MYO3B: variants seen among roughly 807,000 people sequenced by gnomAD.
The protein encoded by MYO3B is myosin-IIIb.
A neutral mutation model predicts 174.6 loss-of-function variants in MYO3B; 156 were observed. The ratio of observed to expected loss-of-function variants is 0.89; its 90% CI spans 0.78 to 1.02. The LOEUF (loss-of-function observed/expected upper bound fraction) is 1.02. MYO3B is among the 50% of genes least tolerant of loss of function. MYO3B has a pLI of 0.00. For synonymous variants in MYO3B, 563 were observed against 569.1 expected (o/e 0.99, Z 0.15); for missense variants, 1,632 against 1,639.4 (o/e 1.00, Z 0.08).
At chr2:170,625,272 G>A (rs1054342079) in intron 32 of MYO3B, among the ~76,000 whole-genome samples, 11 of 152,186 alleles carry the variant, frequency 7.2e-5, no homozygotes, top group Non-Finnish European at 1.5e-4. Context: ...CAGAGATTCA[G>A]CTTCTTCCTG....
At chr2:170,282,265 T>C (rs1397951860) in intron 7 of MYO3B, among the ~76,000 whole-genome samples, 1 of 152,168 alleles carries the variant, frequency 6.6e-6, no homozygotes, top group African/African-American at 2.4e-5. Flanking sequence ...TAATCCATTT[T>C]GATTTGATTT....
intron 7 of MYO3B, among the ~76,000 whole-genome samples, chr2:170,279,292 AT>A (rs2093487592): frequency 6.6e-6 from 1 of 151,982 alleles, no homozygotes; most frequent in Admixed American, 6.6e-5. Context: ...TTGCCAGCAC[AT>A]TTGTTATTTT....
At chr2:170,627,190 A>G (rs1045112398) in intron 32 of MYO3B, among the ~76,000 whole-genome samples, 5 of 152,206 alleles carry the variant, frequency 3.3e-5, no homozygotes, top group Non-Finnish European at 7.3e-5. Context: ...AGGTACACCA[A>G]TCAGATGTAG....
At chr2:170,226,119 G>A (rs2092949448) in intron 6 of MYO3B, among the ~76,000 whole-genome samples, 1 of 152,190 alleles carries the variant, frequency 6.6e-6, no homozygotes, top group South Asian at 2.1e-4. Context: ...GTGAACTAAT[G>A]TTGATGCCGT....
chr2:170,284,339 A>C (rs2093538009), intron 7 of MYO3B, among the ~76,000 whole-genome samples: 1 of 152,182 alleles, frequency 6.6e-6, no homozygotes, highest in Non-Finnish European at 1.5e-5. Context: ...AAACTGTATG[A>C]CATTCCCTAT....
At chr2:170,185,483 A>G (rs1486699006) in intron 1 of MYO3B, among the ~76,000 whole-genome samples, 2 of 152,114 alleles carry the variant, frequency 1.3e-5, no homozygotes, top group Admixed American at 1.3e-4. Context: ...TGTGTTCTCT[A>G]TTCTGTCCTA....
chr2:170,407,581 T>TCTGGATATGAAA (rs138990294), intron 21 of MYO3B, 134 bp from the exon 22 acceptor site: 1 of 645,582 alleles, frequency 1.5e-6, no homozygotes, highest in Non-Finnish European at 2.7e-6. Context: ...CTTTATCTGG[T>TCTGGATATGAAA]GCTCTGGATA....
In MYO3B at chr2:170,199,372, A is replaced by G; in HGVS notation, c.167A>G (p.Lys56Arg). The G allele has an allele frequency of 1.9e-6, 3 of 1,611,174 alleles. No individual in the cohort carries two copies. The highest frequency in any genetic ancestry group is 2.5e-6 in the Non-Finnish European group (3 of 1,178,700). ...NKRDGSLAAV[K>R]ILDPVSDMDE... The stretch of plus-strand genomic sequence containing the variant: ...AGAGATGGGAGCCTGGCTGCAGTGA[A>G]AATTCTGGATCCAGTCAGTGTAAGT... The change falls in exon 2 of 35, where the codon AAA (lysine) becomes AGA (arginine). Residue 56 changes from lysine (K) to arginine (R), a missense_variant. Physicochemically the swap from Lys to Arg is conservative, Grantham distance 26. Transcript: ENST00000408978.
rs771745310 is a variant in MYO3B, at chr2:170,499,691, C to T, written c.3172C>T (p.Arg1058Ter). ...TGTTGAGCAATTAAATTTGCTGCTTCGAGAAGTCATAGGCAGAGTGGTTGT... is the reference window on the plus strand; with the variant it reads ...TGTTGAGCAATTAAATTTGCTGCTTTGAGAAGTCATAGGCAGAGTGGTTGT... ...YHVEQLNLLL[R>*]EVIGRVVVLQ... Residue 1058 changes from arginine (R) to a stop codon, truncating the protein, a stop_gained, in exon 27 of 35, where the codon CGA becomes TGA. Transcript: ENST00000408978. LOFTEE classifies it high-confidence loss of function. The T allele has an allele frequency of 2.1e-5, 34 of 1,614,016 alleles. No individual in the cohort carries two copies. Among genetic ancestry groups the T allele is most frequent in the South Asian group, 3.3e-5 (3 of 91,074 alleles).
At chr2:170,278,937 T>C (rs570030807) in intron 7 of MYO3B, among the ~76,000 whole-genome samples, 3 of 152,334 alleles carry the variant, frequency 2.0e-5, no homozygotes, top group Non-Finnish European at 4.4e-5. Context: ...ACATCCTTGC[T>C]ACTGCAAGTG....
chr2:170,331,651 T>A (rs1241045472), intron 7 of MYO3B, among the ~76,000 whole-genome samples: 1 of 152,180 alleles, frequency 6.6e-6, no homozygotes, highest in Non-Finnish European at 1.5e-5. Context: ...AATCAAGGTG[T>A]CAGTAGGGCT....
chr2:170,244,573 G>A (rs1183223508), intron 7 of MYO3B, among the ~76,000 whole-genome samples: 1 of 152,230 alleles, frequency 6.6e-6, no homozygotes, highest in East Asian at 1.9e-4. Context: ...TAGAGGAGTA[G>A]AAAAGGGAGA....
intron 32 of MYO3B, among the ~76,000 whole-genome samples, chr2:170,568,190 C>T (rs1181028683): frequency 1.3e-5 from 2 of 152,212 alleles, no homozygotes; most frequent in East Asian, 1.9e-4. Flanking sequence ...CTTTGCAAAA[C>T]CCCTGAATTC....
intron 22 of MYO3B, among the ~76,000 whole-genome samples, chr2:170,417,018 G>T (rs536575216): frequency 1.3e-5 from 2 of 151,872 alleles, no homozygotes; most frequent in African/African-American, 2.4e-5. Context: ...TAGTAGAGAC[G>T]GGGTTTCACT....
chr2:170,358,866 C>T (rs1371423229), intron 8 of MYO3B, among the ~76,000 whole-genome samples: 1 of 152,134 alleles, frequency 6.6e-6, no homozygotes, highest in African/African-American at 2.4e-5. Context: ...TGTTCAGGAG[C>T]AAGTTCTAAG....
rs567614478 is a variant in MYO3B at position 170,323,469 on chromosome 2, T to TC, written c.750-11912dup. Among the ~76,000 whole-genome samples, 76 of 152,312 alleles carry TC rather than the reference T, an allele frequency of 5.0e-4. No homozygotes were observed. In the South Asian group the frequency reaches 0.016, roughly 31 times the overall value. On this transcript the variant is annotated intron_variant, in intron 7 of 34. Transcript: ENST00000408978. ...CTGGCTTATCATATCAGGCCTGGATTCCCCATTAATATGATATAAAATGCT... is the reference window on the plus strand; with the variant it reads ...CTGGCTTATCATATCAGGCCTGGATTCCCCCATTAATATGATATAAAATGCT...
At chr2:170,626,907 T>C (rs550461212) in intron 32 of MYO3B, among the ~76,000 whole-genome samples, 33 of 152,228 alleles carry the variant, frequency 2.2e-4, no homozygotes, top group African/African-American at 7.7e-4. Context: ...GAGTTTCTGC[T>C]GAGAGATCCA....
chr2:170,407,359 G>A (rs1225595378), intron 21 of MYO3B, among the ~76,000 whole-genome samples: 1 of 152,142 alleles, frequency 6.6e-6, no homozygotes, highest in African/African-American at 2.4e-5. Flanking sequence ...TACTCGGGAG[G>A]CTGAGGCAGG....
At chr2:170,220,677 G>C (rs1332205545) in intron 6 of MYO3B, among the ~76,000 whole-genome samples, 1 of 150,678 alleles carries the variant, frequency 6.6e-6, no homozygotes, top group African/African-American at 2.4e-5. Context: ...GTAGGGGACA[G>C]TTTATGGTGA....
Sources: gnomAD v4.1 joint callset for allele counts (sites outside exome capture counted in the v4.1 genomes callset) on GRCh38, gnomAD v4.1.1 for gene constraint, MANE v1.5 for transcripts, NCBI Gene and HGNC (gene_info 2026-07-23, HGNC 2026-07-21) for gene names.